TFAP2D: variants seen among roughly 807,000 people sequenced by gnomAD.
The protein encoded by TFAP2D is transcription factor AP-2-delta.
Under a neutral mutation model 43.6 loss-of-function variants are expected in TFAP2D, and 9 were observed. The ratio of observed to expected loss-of-function variants is 0.21; its 90% CI spans 0.12 to 0.36. The LOEUF (loss-of-function observed/expected upper bound fraction) is 0.36. TFAP2D is among the 10% of genes least tolerant of loss of function. The pLI is 1.00. For missense variants in TFAP2D, 513 were observed against 561.4 expected (o/e 0.91, Z 0.87); for synonymous variants, 256 against 224.9 (o/e 1.14, Z -1.24).
intron 5 of TFAP2D, among the ~76,000 whole-genome samples, 182 bp downstream of exon 5, chr6:50,729,494 T>C (rs1204975867): frequency 6.6e-6 from 1 of 152,192 alleles, no homozygotes; most frequent in Non-Finnish European, 1.5e-5. Context: ...TTTAGATAAT[T>C]CATAAAATAT....
At chr6:50,757,639 AT>A (rs1176052633) in intron 7 of TFAP2D, among the ~76,000 whole-genome samples, 37 of 70,578 alleles carry the variant, frequency 5.2e-4, no homozygotes, top group African/African-American at 2.2e-3. Flanking sequence ...AATATATATA[AT>A]TATTCTATAT....
intron 3 of TFAP2D, among the ~76,000 whole-genome samples, chr6:50,719,581 G>A (rs1048666108): frequency 6.6e-6 from 1 of 152,196 alleles, no homozygotes; most frequent in Non-Finnish European, 1.5e-5. Flanking sequence ...CCCTAAATGT[G>A]CTAGCCACAG....
intron 5 of TFAP2D, among the ~76,000 whole-genome samples, chr6:50,733,176 G>T (rs891011980): frequency 2.6e-5 from 4 of 151,834 alleles, no homozygotes; most frequent in African/African-American, 9.7e-5. Context: ...GATTTTGGGG[G>T]GTCTACATAA....
At chr6:50,755,868 A>C (rs1769257011) in intron 7 of TFAP2D, among the ~76,000 whole-genome samples, 1 of 151,848 alleles carries the variant, frequency 6.6e-6, no homozygotes, top group African/African-American at 2.4e-5. Flanking sequence ...AGCATACAGC[A>C]TGTCTTTTTT....
At chr6:50,729,982 G>A (rs2114039013) in intron 5 of TFAP2D, among the ~76,000 whole-genome samples, 1 of 152,158 alleles carries the variant, frequency 6.6e-6, no homozygotes, top group South Asian at 2.1e-4. Context: ...CTTCTTTTAA[G>A]GAGAGTTATT....
At chr6:50,756,068 G>T (rs1769260898) in intron 7 of TFAP2D, among the ~76,000 whole-genome samples, 1 of 151,782 alleles carries the variant, frequency 6.6e-6, no homozygotes, top group South Asian at 2.1e-4. Context: ...TCACCATGTT[G>T]CCCAGGCTTG....
intron 7 of TFAP2D, among the ~76,000 whole-genome samples, chr6:50,758,459 T>C (rs541548452): frequency 6.6e-6 from 1 of 152,052 alleles, no homozygotes; most frequent in Admixed American, 6.6e-5. Flanking sequence ...TTCATCCTGG[T>C]TCCCTCCCAC....
chr6:50,729,129 G>T, intron 4 of TFAP2D, 65 bp from the exon 5 acceptor site: 1 of 1,605,292 alleles, frequency 6.2e-7, no homozygotes, highest in Non-Finnish European at 8.5e-7. Flanking sequence ...ATGTGGTCAA[G>T]TCGTCTCATA....
At chr6:50,757,796 A>C (rs547284907) in intron 7 of TFAP2D, among the ~76,000 whole-genome samples, 8 of 105,214 alleles carry the variant, frequency 7.6e-5, no homozygotes, top group African/African-American at 2.4e-4. Context: ...TATATATAGA[A>C]TATATATAAT....
At chr6:50,751,190 A>T in intron 6 of TFAP2D, 21 bp from the exon 7 acceptor site, 1 of 1,528,112 alleles carries the variant, frequency 6.5e-7, no homozygotes, top group East Asian at 2.3e-5. Flanking sequence ...TTCAATTTTA[A>T]ATTTGATTCT....
chr6:50,732,201 T>C (rs1469489903), intron 5 of TFAP2D, among the ~76,000 whole-genome samples: 1 of 152,096 alleles, frequency 6.6e-6, no homozygotes, highest in Non-Finnish European at 1.5e-5. Context: ...TATATGGTCT[T>C]TCTATGGTCT....
At chr6:50,723,722 A>G (rs1762993711) in intron 3 of TFAP2D, among the ~76,000 whole-genome samples, 1 of 152,200 alleles carries the variant, frequency 6.6e-6, no homozygotes. Context: ...GGAAAGAGGT[A>G]GCTTTCCCAC....
intron 7 of TFAP2D, among the ~76,000 whole-genome samples, chr6:50,757,150 T>A (rs956612404): frequency 6.6e-6 from 1 of 151,196 alleles, no homozygotes; most frequent in Non-Finnish European, 1.5e-5. Context: ...CTAGTAGAAT[T>A]ATTATTTATT....
At chr6:50,722,389 GC>G (rs1768741204) in intron 3 of TFAP2D, among the ~76,000 whole-genome samples, 1 of 152,134 alleles carries the variant, frequency 6.6e-6, no homozygotes, top group Non-Finnish European at 1.5e-5. Context: ...ACAGAGTGGA[GC>G]TTTGCCTTCG....
Position 50,715,432 on chromosome 6 carries a change from C to A in TFAP2D, c.356C>A (p.Ala119Glu), listed in dbSNP as rs776847062. 3 of 1,614,030 alleles carry A rather than the reference C, an allele frequency of 1.9e-6. No homozygotes were observed. The highest frequency in any genetic ancestry group is 2.2e-5 in the South Asian group (2 of 91,080). ...ACCGACTTTATTAACCTGCACAATG[C>A]GCGGGCGCTCAAGTCGTCCTGCCTG... ...EPTDFINLHN[A>E]RALKSSCLDE... is the part of the protein sequence containing the mutation. Residue 119 changes from alanine (A) to glutamate (E), a missense_variant, in exon 2 of 8, where the codon GCG (alanine) becomes GAG (glutamate). Physicochemically the swap from Ala to Glu is moderately radical, Grantham distance 107. This residue lies in a region of TFAP2D where 311 missense variants were observed against 316.2 expected (regional missense o/e 0.98). Transcript: ENST00000008391.
At chr6:50,765,238 G>C (rs979314529) in intron 7 of TFAP2D, among the ~76,000 whole-genome samples, 3 of 152,128 alleles carry the variant, frequency 2.0e-5, no homozygotes, top group Non-Finnish European at 4.4e-5. Context: ...ATTCATTCAT[G>C]TTGTCAAAAT....
intron 5 of TFAP2D, among the ~76,000 whole-genome samples, chr6:50,740,140 G>C (rs1769019953): frequency 6.6e-6 from 1 of 152,142 alleles, no homozygotes; most frequent in African/African-American, 2.4e-5. Context: ...CCATAGAATT[G>C]AATGTGCTAT....
chr6:50,755,205 A>G (rs1398146773), intron 7 of TFAP2D, among the ~76,000 whole-genome samples: 2 of 151,992 alleles, frequency 1.3e-5, no homozygotes, highest in African/African-American at 2.4e-5. Flanking sequence ...CAAAAGATAC[A>G]TGATTGGCAT....
rs1201676246 is a variant in TFAP2D, at chr6:50,740,587, C to G, written c.884-4520C>G. Among the ~76,000 whole-genome samples, 7 of 148,370 alleles carry G rather than the reference C, an allele frequency of 4.7e-5. No individual in the cohort carries two copies. In the East Asian group the frequency reaches 1.4e-3, roughly 31 times the overall value. On this transcript the variant is annotated intron_variant, in intron 5 of 7. Coordinates refer to ENST00000008391, the MANE Select transcript of TFAP2D (RefSeq NM_172238.4). ...AGCTAGGATTGCAGGTGCCCGCCAC[C>G]ACACCCAGCTAAATATTTTTTTTGT... is the stretch of plus-strand genomic sequence containing the variant.
Sources: gnomAD v4.1 joint callset for allele counts (sites outside exome capture counted in the v4.1 genomes callset) on GRCh38, gnomAD v4.1.1 for gene constraint, gnomAD v4.1.1 regional missense constraint, MANE v1.5 for transcripts, NCBI Gene and HGNC (gene_info 2026-07-23, HGNC 2026-07-21) for gene names.